Variants in ORC4 observed in about 807,000 individuals in gnomAD.
ORC4 encodes the protein origin recognition complex, subunit 4 homolog.
Under a neutral mutation model 63.9 loss-of-function variants are expected in ORC4, and 55 were observed. The observed-to-expected ratio is 0.86, with a 90% confidence interval of 0.69 to 1.08. The LOEUF is 1.08. ORC4 is among the 50% of genes least tolerant of loss of function. ORC4 has a pLI of 0.00. For synonymous variants in ORC4, 150 were observed against 168.5 expected (o/e 0.89, Z 0.85); for missense variants, 511 against 504.4 (o/e 1.01, Z -0.13).
chr2:147,949,521 T>A (rs564831192), intron 8 of ORC4, among the ~76,000 whole-genome samples: 1 of 152,266 alleles, frequency 6.6e-6, no homozygotes, highest in Middle Eastern at 3.4e-3. Flanking sequence ...AAAACCCTGT[T>A]AATTGTATAA....
At chr2:147,998,726 A>G (rs1692127933) in intron 1 of ORC4, among the ~76,000 whole-genome samples, 1 of 152,208 alleles carries the variant, frequency 6.6e-6, no homozygotes, top group African/African-American at 2.4e-5. Flanking sequence ...AAGGCAGGTC[A>G]AAATTTCACA....
In ORC4 at chr2:147,987,653, T is replaced by A. The variant is rs895619746; in HGVS notation, c.-17-11678A>T. On this transcript the variant is annotated intron_variant, in intron 1 of 13. Transcript: ENST00000392857. The stretch of plus-strand genomic sequence containing the variant: ...GTGAACATGTCCGATTTATTTAGTT[T>A]CAAAGTTGTCCAAGCACAGGTCAAA... Among the ~76,000 whole-genome samples the A allele has an allele frequency of 1.4e-4, 21 of 152,168 alleles. No homozygotes were observed. In the Middle Eastern group the frequency reaches 0.01, roughly 74 times the overall value.
intron 1 of ORC4, among the ~76,000 whole-genome samples, chr2:148,011,493 A>G (rs992014935): frequency 1.3e-5 from 2 of 152,210 alleles, no homozygotes; most frequent in Non-Finnish European, 2.9e-5. Flanking sequence ...AAAGCCATAC[A>G]CAACAAACCC....
chr2:147,955,566 A>G (rs1353774153), intron 6 of ORC4, among the ~76,000 whole-genome samples, 171 bp from the exon 7 acceptor site: 1 of 152,028 alleles, frequency 6.6e-6, no homozygotes, highest in East Asian at 1.9e-4. Flanking sequence ...TTAAATACTT[A>G]AGCAAAGATG....
chr2:147,958,562 A>T, intron 5 of ORC4, 179 bp from the exon 6 acceptor site: 1 of 595,438 alleles, frequency 1.7e-6, no homozygotes, highest in Non-Finnish European at 3.0e-6. Flanking sequence ...CCTTGGGATT[A>T]GAATGATTAA....
At chr2:147,998,225 A>G (rs1205669741) in intron 1 of ORC4, among the ~76,000 whole-genome samples, 1 of 127,688 alleles carries the variant, frequency 7.8e-6, no homozygotes, top group Non-Finnish European at 1.7e-5. Context: ...AAAAGCCAAC[A>G]GATCAGAACT....
At chr2:147,948,578 T>TA (rs1317407273) in intron 8 of ORC4, among the ~76,000 whole-genome samples, 3 of 151,808 alleles carry the variant, frequency 2.0e-5, no homozygotes, top group African/African-American at 2.4e-5. Flanking sequence ...GAACTGAGAT[T>TA]AAAAAATTAA....
At chr2:148,021,496 C>T (rs1006947456), upstream of ORC4, 6 of 577,556 alleles carry the variant, frequency 1.0e-5, no homozygotes, top group East Asian at 1.8e-4. Context: ...GCTGCTGCTG[C>T]TACTGCTGCT....
intron 10 of ORC4, among the ~76,000 whole-genome samples, chr2:147,942,470 T>C (rs1688418741): frequency 1.3e-5 from 2 of 151,924 alleles, no homozygotes. Flanking sequence ...AATAACATAA[T>C]CAAATATATC....
chr2:147,981,744 T>TG (rs11424703), intron 1 of ORC4, among the ~76,000 whole-genome samples: 151,838 of 152,300 alleles, frequency 1, 75,688 homozygotes, highest in East Asian at 1. Context: ...AGCAAGTAAG[T>TG]GCAGAGCCAG....
intron 1 of ORC4, among the ~76,000 whole-genome samples, chr2:147,998,741 T>A (rs1372586164): frequency 2.0e-5 from 3 of 152,164 alleles, no homozygotes. Flanking sequence ...TTCACACTAT[T>A]CTCAATTCCC....
At chr2:147,947,232 T>TC (rs1325651155) in intron 9 of ORC4, among the ~76,000 whole-genome samples, 1 of 152,018 alleles carries the variant, frequency 6.6e-6, no homozygotes, top group Non-Finnish European at 1.5e-5. Context: ...AATCAGTTTT[T>TC]CCCAATTCCT....
chr2:148,003,277 C>A (rs1328031480), intron 1 of ORC4, among the ~76,000 whole-genome samples: 1 of 152,186 alleles, frequency 6.6e-6, no homozygotes, highest in East Asian at 1.9e-4. Flanking sequence ...CCAGCATCAT[C>A]CTGATACCAA....
chr2:147,938,034 A>G (rs1010726688), intron 13 of ORC4, 112 bp downstream of exon 13: 2 of 753,088 alleles, frequency 2.7e-6, no homozygotes, highest in Non-Finnish European at 4.5e-6. Flanking sequence ...TTTTGAAAAA[A>G]ATCTCTATAA....
intron 1 of ORC4, among the ~76,000 whole-genome samples, chr2:147,990,879 A>G (rs1172688503): frequency 6.6e-6 from 1 of 152,112 alleles, no homozygotes; most frequent in Admixed American, 6.5e-5. Flanking sequence ...TGATTAAATA[A>G]TTGAAAAGGC....
At position 147,933,210 on chromosome 2, in the gene ORC4, A is replaced by C. The variant is rs1258407209; in HGVS notation, c.*2300T>G. ...TCCTCCTCTAGTAAATGAAGAAAATAAGCTATATGTATAAGTTTACATTAT... is the reference window on the plus strand; with the variant it reads ...TCCTCCTCTAGTAAATGAAGAAAATCAGCTATATGTATAAGTTTACATTAT... On this transcript the variant is annotated 3_prime_UTR_variant, in exon 14 of 14. Coordinates refer to ENST00000392857, the MANE Select transcript of ORC4 (RefSeq NM_181741.4). 1.3e-5 allele frequency: 2 copies of C among 152,160 alleles called. No individual in the cohort carries two copies. Among genetic ancestry groups the C allele is most frequent in the East Asian group, 3.9e-4 (2 of 5,192 alleles). The allele number at this position is 152,160 out of a possible 1,614,324, so 9.4% of individuals were successfully genotyped here.
intron 13 of ORC4, 147 bp from the exon 14 acceptor site, chr2:147,935,845 A>T: frequency 1.5e-6 from 1 of 654,156 alleles, no homozygotes. Context: ...AGGATTAAAA[A>T]AACTCTCACA....
At chr2:147,970,305 A>G (rs1690139310) in intron 4 of ORC4, among the ~76,000 whole-genome samples, 1 of 152,216 alleles carries the variant, frequency 6.6e-6, no homozygotes. Context: ...CAATTCACAA[A>G]GATTCCCAGA....
intron 10 of ORC4, among the ~76,000 whole-genome samples, chr2:147,942,012 G>A (rs1475435975): frequency 1.3e-5 from 2 of 152,094 alleles, no homozygotes; most frequent in Non-Finnish European, 2.9e-5. Flanking sequence ...AGAGAGCTTT[G>A]GATTAAGTCC....
Sources: gnomAD v4.1 joint callset for allele counts (sites outside exome capture counted in the v4.1 genomes callset) on GRCh38, gnomAD v4.1.1 for gene constraint, MANE v1.5 for transcripts, NCBI Gene and HGNC (gene_info 2026-07-23, HGNC 2026-07-21) for gene names.